The following RPS6KA1 variants were observed in gnomAD, a reference collection of about 807,000 sequenced individuals.
The protein encoded by RPS6KA1 is ribosomal protein S6 kinase A1.
Under a neutral mutation model 91.3 loss-of-function variants are expected in RPS6KA1, and 48 were observed. That is an observed-to-expected ratio of 0.53 (90% CI 0.42 to 0.67). The LOEUF (loss-of-function observed/expected upper bound fraction) is 0.67. Among genes scored for constraint, RPS6KA1 ranks in the 30% least tolerant of loss-of-function variants. The probability of loss-of-function intolerance (pLI) is 0.00; values close to 1 mark genes in which losing one functional copy is unlikely to be tolerated. For synonymous variants in RPS6KA1, 359 were observed against 384.7 expected (o/e 0.93, Z 0.78); for missense variants, 719 against 960.5 (o/e 0.75, Z 3.32).
At chr1:26,573,537 G>A (rs2076268862) in intron 21 of RPS6KA1, among the ~76,000 whole-genome samples, 176 bp downstream of exon 21, 2 of 152,178 alleles carry the variant, frequency 1.3e-5, no homozygotes, top group Non-Finnish European at 2.9e-5. Context: ...GTGTCACGGT[G>A]CACTCACAGC....
intron 7 of RPS6KA1, 186 bp downstream of exon 7, chr1:26,553,683 G>T: frequency 2.4e-6 from 1 of 413,688 alleles, no homozygotes; most frequent in Non-Finnish European, 4.4e-6. Flanking sequence ...CCATTACCAA[G>T]GGCCAGGTAC....
At chr1:26,557,860 G>C (rs1191280359) in intron 13 of RPS6KA1, among the ~76,000 whole-genome samples, 1 of 142,016 alleles carries the variant, frequency 7.0e-6, no homozygotes, top group South Asian at 2.3e-4. Flanking sequence ...ATGGAGTCTC[G>C]CTCTGTTGCC....
intron 1 of RPS6KA1, chr1:26,531,374 G>T (rs1570414240): frequency 6.6e-6 from 1 of 152,388 alleles, no homozygotes. Context: ...GGTCCTGGGG[G>T]TGGTGCTCAG....
rs2076081863 is a variant in RPS6KA1, at chr1:26,554,537, G to C, written c.614-59G>C. ...TGGGCACGGGGGTTGGGTGTGCAAA[G>C]GGTGGCAGCAAGGAAGGCAGGGGTC... On this transcript the variant is annotated intron_variant, in intron 8 of 21. Coordinates refer to ENST00000374168, the MANE Select transcript of RPS6KA1 (RefSeq NM_002953.4). The surrounding 1 kb of genome is among the most constrained non-coding windows in gnomAD (Gnocchi z 4.6). The C allele has an allele frequency of 7.7e-6, 12 of 1,561,588 alleles. No homozygotes were observed. Among genetic ancestry groups the C allele is most frequent in the Non-Finnish European group, 1.0e-5 (12 of 1,147,702 alleles).
chr1:26,546,691 C>G (rs1361006477), intron 2 of RPS6KA1, among the ~76,000 whole-genome samples, 176 bp from the exon 3 acceptor site: 30 of 152,226 alleles, frequency 2.0e-4, no homozygotes, highest in Non-Finnish European at 1.5e-5. Context: ...TTTGACCTCC[C>G]CAGACTTTGA....
chr1:26,549,343 G>C (rs1227291841), intron 4 of RPS6KA1, among the ~76,000 whole-genome samples: 1 of 151,888 alleles, frequency 6.6e-6, no homozygotes. Context: ...GGCCAAGGTG[G>C]GTGGATCATT....
At chr1:26,556,952 C>A in intron 12 of RPS6KA1, 46 bp from the exon 13 acceptor site, 1 of 1,437,156 alleles carries the variant, frequency 7.0e-7, no homozygotes, top group Non-Finnish European at 9.8e-7. Context: ...TCCTGGTGGG[C>A]TGTTGAGGAT....
At position 26,562,766 on chromosome 1, in the gene RPS6KA1, G is replaced by A. The variant is rs139874416; in HGVS notation, c.1590+1103G>A. Reference sequence around the variant, plus strand: ...GCTGAGTCCAGGTCTTGGTGTATGAGGTTGTTAACTTGTTTTCACATAGTA... The same window carrying A: ...GCTGAGTCCAGGTCTTGGTGTATGAAGTTGTTAACTTGTTTTCACATAGTA... On this transcript the variant is annotated intron_variant, in intron 17 of 21. Transcript: ENST00000374168. Among the ~76,000 whole-genome samples the A allele has an allele frequency of 3.0e-3, 455 of 151,268 alleles. 7 individuals carry two copies. The highest frequency in any genetic ancestry group is 0.01 in the African/African-American group (426 of 41,114).
intron 17 of RPS6KA1, among the ~76,000 whole-genome samples, chr1:26,565,186 T>C (rs1004799071): frequency 5.9e-5 from 9 of 152,214 alleles, no homozygotes; most frequent in Non-Finnish European, 1.3e-4. Context: ...GCTCTTCTTA[T>C]TGAGATATTT....
At chr1:26,549,406 A>G (rs900446729) in intron 4 of RPS6KA1, among the ~76,000 whole-genome samples, 4 of 151,900 alleles carry the variant, frequency 2.6e-5, no homozygotes, top group Non-Finnish European at 5.9e-5. Context: ...CCCTGTCTCT[A>G]CTAAAAATAC....
At chr1:26,569,939 C>T (rs2076235742) in intron 17 of RPS6KA1, among the ~76,000 whole-genome samples, 1 of 152,160 alleles carries the variant, frequency 6.6e-6, no homozygotes, top group South Asian at 2.1e-4. Context: ...CTTTATCTTG[C>T]AGGTAGGGAG....
chr1:26,574,248 C>A lies in RPS6KA1; in HGVS notation c.*47C>A, dbSNP rs151125319. The A allele has an allele frequency of 4.2e-5, 68 of 1,610,172 alleles. No individual in the cohort carries two copies. The highest frequency in any genetic ancestry group is 5.6e-5 in the Non-Finnish European group (66 of 1,176,770). ...CAGGGCGGTGCTAGCTTGACACAGT[C>A]AGCATGCTTCCCAGAGGGAGCAGGC... On this transcript the variant is annotated 3_prime_UTR_variant, in exon 22 of 22. Transcript: ENST00000374168. This position sits in a 1 kb window ranked among gnomAD's most constrained non-coding sequence, Gnocchi z 4.3.
chr1:26,558,943 G>T lies in RPS6KA1; in HGVS notation c.1215+6G>T. On this transcript the variant is annotated splice_donor_region_variant and intron_variant, in intron 14 of 21. Coordinates refer to ENST00000374168, the MANE Select transcript of RPS6KA1 (RefSeq NM_002953.4). This position sits in a 1 kb window ranked among gnomAD's most constrained non-coding sequence, Gnocchi z 4.0. ...CCCTGCACTCGGTGGTACAGGTGAG[G>T]GGGGCAGGGGGCTGCTGCTCCATTA... 2 of 1,605,678 alleles carry T rather than the reference G, an allele frequency of 1.2e-6. No homozygotes were observed. The highest frequency in any genetic ancestry group is 1.7e-6 in the Non-Finnish European group (2 of 1,173,416).
intron 1 of RPS6KA1, among the ~76,000 whole-genome samples, chr1:26,533,850 G>A (rs1268682564): frequency 6.6e-6 from 1 of 152,184 alleles, no homozygotes; most frequent in South Asian, 2.1e-4. Flanking sequence ...TCAGGCCAGA[G>A]GGGCAGATGA....
intron 17 of RPS6KA1, among the ~76,000 whole-genome samples, chr1:26,570,049 G>C (rs1306966495): frequency 6.6e-6 from 1 of 152,202 alleles, no homozygotes; most frequent in African/African-American, 2.4e-5. Flanking sequence ...GGGATGTGTT[G>C]AGTTTGAGGC....
chr1:26,561,602 G>T lies in RPS6KA1; in HGVS notation c.1529G>T (p.Arg510Leu). 2.5e-6 allele frequency: 4 copies of T among 1,614,024 alleles called. No homozygotes were observed. Among genetic ancestry groups the T allele is most frequent in the Middle Eastern group, 1.6e-4 (1 of 6,062 alleles). ...CTGCGGCAGAAGTTCTTCTCAGAGC[G>T]GGAGGCCAGCTTTGTCCTGCACACC... is the stretch of plus-strand genomic sequence containing the variant. Reference protein sequence around the residue: ...KILRQKFFSEREASFVLHTIG... With the variant: ...KILRQKFFSELEASFVLHTIG... Residue 510 changes from arginine to leucine, a missense_variant, in exon 17 of 22, where the codon CGG becomes CTG. By Grantham distance (102) the Arg-to-Leu change is moderately radical. Coordinates refer to ENST00000374168, the MANE Select transcript of RPS6KA1 (RefSeq NM_002953.4). The surrounding 1 kb of genome is among the most constrained non-coding windows in gnomAD (Gnocchi z 5.7).
At chr1:26,560,195 C>T (rs183748955) in intron 14 of RPS6KA1, among the ~76,000 whole-genome samples, 9 of 152,360 alleles carry the variant, frequency 5.9e-5, no homozygotes, top group South Asian at 2.1e-4. Flanking sequence ...CAGGGCTGGC[C>T]GTGGGGCATG....
At chr1:26,534,012 A>G (rs1004395645) in intron 1 of RPS6KA1, among the ~76,000 whole-genome samples, 1 of 152,154 alleles carries the variant, frequency 6.6e-6, no homozygotes, top group Non-Finnish European at 1.5e-5. Context: ...AGATCCAGGG[A>G]GTAGAGGCAG....
In RPS6KA1 at chr1:26,573,263, C is replaced by T. The variant is rs769437929; in HGVS notation, c.1987C>T (p.Arg663Cys). ...SKMLHVDPHQ[R>C]LTAKQVLQHP... ...GATGCTACACGTGGATCCCCACCAGCGCCTCACAGCTAAGCAGGTTCTGCA... is the reference window on the plus strand; with the variant it reads ...GATGCTACACGTGGATCCCCACCAGTGCCTCACAGCTAAGCAGGTTCTGCA... The change falls in exon 21 of 22, where the codon CGC (arginine) becomes TGC (cysteine). Residue 663 changes from arginine to cysteine, a missense_variant. Around this residue, in one of 5 missense-constraint regions of RPS6KA1, gnomAD observed 249 missense variants for 323.1 expected, o/e 0.77. Coordinates refer to ENST00000374168, the MANE Select transcript of RPS6KA1 (RefSeq NM_002953.4). 6 of 1,614,076 alleles carry T rather than the reference C, an allele frequency of 3.7e-6. No individual in the cohort carries two copies. Among genetic ancestry groups the T allele is most frequent in the Admixed American group, 3.3e-5 (2 of 59,998 alleles).
Sources: allele counts gnomAD v4.1 joint callset (sites outside exome capture counted in the v4.1 genomes callset), GRCh38; gene constraint gnomAD v4.1.1; regional missense constraint gnomAD v4.1.1; non-coding constraint Gnocchi (gnomAD v3.1); transcripts MANE v1.5; gene names NCBI Gene and HGNC (gene_info 2026-07-23, HGNC 2026-07-21).